LRRTM4: variants seen among roughly 807,000 people sequenced by gnomAD.
LRRTM4 encodes the protein leucine-rich repeat transmembrane neuronal protein 4.
Under a neutral mutation model 47.6 loss-of-function variants are expected in LRRTM4, and 25 were observed. That is an observed-to-expected ratio of 0.53 (90% CI 0.38 to 0.73). LRRTM4 has a LOEUF of 0.73. Ranked by LOEUF, LRRTM4 falls within the 30% of genes least tolerant of loss-of-function variation. The pLI is 0.00. For missense variants in LRRTM4, 638 were observed against 713.4 expected (o/e 0.89, Z 1.20); for synonymous variants, 311 against 269.5 (o/e 1.15, Z -1.51).
At chr2:76,788,826 T>C (rs1674819027) in intron 3 of LRRTM4, among the ~76,000 whole-genome samples, 1 of 152,002 alleles carries the variant, frequency 6.6e-6, no homozygotes, top group African/African-American at 2.4e-5. Context: ...AGTTTTTATA[T>C]TAAAATCTGT....
chr2:76,967,912 TAC>T (rs201048613), intron 3 of LRRTM4, among the ~76,000 whole-genome samples: 1,842 of 151,726 alleles, frequency 0.012, 35 homozygotes, highest in African/African-American at 0.042. Flanking sequence ...CACTATGTCT[TAC>T]TTGTGCCTCT....
intron 3 of LRRTM4, among the ~76,000 whole-genome samples, chr2:77,168,118 T>C (rs563909342): frequency 6.6e-6 from 1 of 152,244 alleles, no homozygotes; most frequent in South Asian, 2.1e-4. Flanking sequence ...GTGCATGTGG[T>C]TTAATTCTAA....
chr2:77,157,238 AG>A (rs1318501554), intron 3 of LRRTM4, among the ~76,000 whole-genome samples: 1 of 152,176 alleles, frequency 6.6e-6, no homozygotes, highest in Non-Finnish European at 1.5e-5. Context: ...TGTAAACTGT[AG>A]TACAGTTTTT....
At chr2:76,895,726 A>C (rs1673394391) in intron 3 of LRRTM4, among the ~76,000 whole-genome samples, 1 of 152,068 alleles carries the variant, frequency 6.6e-6, no homozygotes, top group South Asian at 2.1e-4. Context: ...ACAGTGATAA[A>C]CATACTGTGA....
At chr2:77,284,865 A>G (rs1041740176) in intron 3 of LRRTM4, among the ~76,000 whole-genome samples, 2 of 152,102 alleles carry the variant, frequency 1.3e-5, no homozygotes, top group African/African-American at 4.8e-5. Flanking sequence ...ACTGCTAAAC[A>G]AGCAATTCAC....
chr2:76,786,095 C>T, intron 3 of LRRTM4, among the ~76,000 whole-genome samples: 1 of 152,024 alleles, frequency 6.6e-6, no homozygotes, highest in East Asian at 1.9e-4. Flanking sequence ...ACATTTTCAA[C>T]CCTCACCTCA....
intron 3 of LRRTM4, among the ~76,000 whole-genome samples, chr2:77,001,730 G>A (rs114744176): frequency 0.014 from 2,153 of 152,230 alleles, 39 homozygotes; most frequent in African/African-American, 0.048. Context: ...GAAGGACAAA[G>A]AATTTTCCAC....
At chr2:76,902,413 T>G (rs568375505) in intron 3 of LRRTM4, among the ~76,000 whole-genome samples, 6 of 152,320 alleles carry the variant, frequency 3.9e-5, no homozygotes, top group African/African-American at 1.4e-4. Flanking sequence ...TTTTCAACAA[T>G]GACCTTCACT....
chr2:77,520,396 A>G (rs377634269), intron 2 of LRRTM4, among the ~76,000 whole-genome samples: 1 of 152,094 alleles, frequency 6.6e-6, no homozygotes, highest in South Asian at 2.1e-4. Context: ...ATTGCATAAT[A>G]GGATCGCAAT....
chr2:77,109,102 T>G (rs1671179160), intron 3 of LRRTM4, among the ~76,000 whole-genome samples: 1 of 152,238 alleles, frequency 6.6e-6, no homozygotes, highest in Non-Finnish European at 1.5e-5. Flanking sequence ...AAAGTGAAAC[T>G]ATACTTTAAA....
intron 3 of LRRTM4, among the ~76,000 whole-genome samples, chr2:77,442,307 A>G (rs1189678629): frequency 6.6e-6 from 1 of 152,152 alleles, no homozygotes; most frequent in Non-Finnish European, 1.5e-5. Flanking sequence ...AGCATCATGT[A>G]TTTTCTTTGG....
chr2:76,932,580 CTA>C (rs1268932723), intron 3 of LRRTM4, among the ~76,000 whole-genome samples: 1 of 151,966 alleles, frequency 6.6e-6, no homozygotes, highest in Non-Finnish European at 1.5e-5. Flanking sequence ...TACTCTGAAC[CTA>C]TGTTTCATTC....
intron 3 of LRRTM4, among the ~76,000 whole-genome samples, chr2:77,482,345 G>A (rs560260384): frequency 1.1e-3 from 161 of 151,974 alleles, no homozygotes; most frequent in African/African-American, 3.6e-3. Context: ...GAGACTTCAC[G>A]AAATAAATGA....
intron 3 of LRRTM4, among the ~76,000 whole-genome samples, chr2:76,785,337 A>T (rs1305826973): frequency 6.6e-6 from 1 of 152,138 alleles, no homozygotes; most frequent in African/African-American, 2.4e-5. Context: ...TAATAATAAG[A>T]AGGATTAAGC....
intron 3 of LRRTM4, among the ~76,000 whole-genome samples, chr2:77,039,565 A>T (rs1678955872): frequency 6.6e-6 from 1 of 151,276 alleles, no homozygotes; most frequent in African/African-American, 2.4e-5. Flanking sequence ...TGTAAAACAA[A>T]CACCTCCCCA....
At position 76,800,026 on chromosome 2, in the gene LRRTM4, C is replaced by T. The variant is rs1364463359; in HGVS notation, c.1552-51110G>A. On this transcript the variant is annotated intron_variant, in intron 3 of 3. Transcript: ENST00000409884. ...CAATATCGTGAAAATGGTCATACTG[C>T]CCAAGGTAATTTACAGATTCAATGC... Among the ~76,000 whole-genome samples the T allele has an allele frequency of 2.0e-5, 3 of 151,816 alleles. No individual in the cohort carries two copies. The East Asian group carries it at 5.8e-4, about 29-fold the overall frequency.
At chr2:77,428,883 T>A (rs564121571) in intron 3 of LRRTM4, among the ~76,000 whole-genome samples, 6 of 152,364 alleles carry the variant, frequency 3.9e-5, no homozygotes, top group Non-Finnish European at 2.9e-5. Flanking sequence ...TCTGGTGTAC[T>A]TTTAAGCACA....
At chr2:77,028,174 C>A (rs1678518850) in intron 3 of LRRTM4, among the ~76,000 whole-genome samples, 1 of 152,036 alleles carries the variant, frequency 6.6e-6, no homozygotes, top group South Asian at 2.1e-4. Context: ...ACACTCAAAT[C>A]TAAAGTCCAA....
intron 3 of LRRTM4, among the ~76,000 whole-genome samples, chr2:76,801,698 G>T (rs1167948434): frequency 6.6e-6 from 1 of 151,832 alleles, no homozygotes; most frequent in East Asian, 1.9e-4. Context: ...TAACATCCCT[G>T]GTGAACATGT....
Sources: allele counts gnomAD v4.1 joint callset (sites outside exome capture counted in the v4.1 genomes callset), GRCh38; gene constraint gnomAD v4.1.1; transcripts MANE v1.5; gene names NCBI Gene and HGNC (gene_info 2026-07-23, HGNC 2026-07-21).